Variants in ZNF711 observed in about 807,000 individuals in gnomAD.
ZNF711 encodes the protein ZFX family zinc finger ZNF711, also known as zinc finger protein 711.
In ZNF711, 3 loss-of-function variants were observed where a neutral mutation model predicts 43.5. The observed-to-expected ratio is 0.07, with a 90% CI of 0.03 to 0.18. The LOEUF is 0.18. ZNF711 is among the 10% of genes least tolerant of loss of function. The pLI, the probability that ZNF711 is intolerant of heterozygous loss-of-function variation, is 1.00. For missense variants in ZNF711, 412 were observed against 604.0 expected, an observed-to-expected ratio of 0.68 and a Z score of 3.33; for synonymous variants, 209 against 207.7, an observed-to-expected ratio of 1.01 and a Z score of -0.06.
intron 6 of ZNF711, among the ~76,000 whole-genome samples, chrX:85,264,900 T>C (rs932056851): frequency 4.5e-5 from 5 of 111,423 alleles, no homozygotes; most frequent in African/African-American, 1.6e-4. Context: ...ACTTATATAC[T>C]GCTTGGCATA....
At chrX:85,267,454 T>A in intron 8 of ZNF711, 39 bp downstream of exon 8, 1 of 1,055,106 alleles carries the variant, frequency 9.5e-7, no homozygotes, top group Non-Finnish European at 1.2e-6. Context: ...AAGTACATAA[T>A]ATGTATTTAC....
At chrX:85,245,625 A>G (rs1046464021) in intron 1 of ZNF711, among the ~76,000 whole-genome samples, 2 of 112,076 alleles carry the variant, frequency 1.8e-5, no homozygotes, top group Admixed American at 9.4e-5. Context: ...TCACTTTCTA[A>G]AATAAGGTGT....
rs1165098927 is a variant in ZNF711 at position 85,273,030 on chromosome X, G to A, written c.*1202G>A. 1.8e-5 allele frequency: 2 copies of A among 111,870 alleles called. No individual in the cohort carries two copies. Among genetic ancestry groups the A allele is most frequent in the Admixed American group, 9.6e-5 (1 of 10,462 alleles). 9.2% of individuals were successfully genotyped at this position (111,870 alleles called of 1,213,427 possible). A position where few individuals can be genotyped will look rare whatever the true frequency, so the allele number is the denominator to read the frequency against. On this transcript the variant is annotated 3_prime_UTR_variant, in exon 11 of 11. Coordinates refer to ENST00000674551, the MANE Select transcript of ZNF711 (RefSeq NM_001330574.2). ...TTCATAAATGTAATGCATATGATAT[G>A]TACTTTTAAGTTTTAGTTGCTTCAT...
In ZNF711 at chrX:85,244,112, T is replaced by TGGCGGCACGGAGGCGGCGGCGGCGGCGGC. The variant is rs1318167662; in HGVS notation, c.-477_-449dup. 6 of 147,695 alleles carry TGGCGGCACGGAGGCGGCGGCGGCGGCGGC rather than the reference T, an allele frequency of 4.1e-5. No homozygotes were observed. Among genetic ancestry groups the TGGCGGCACGGAGGCGGCGGCGGCGGCGGC allele is most frequent in the African/African-American group, 2.0e-4 (6 of 30,420 alleles). 12.2% of individuals were successfully genotyped at this position (147,695 alleles called of 1,213,427 possible). ...ATCCAGAGCGCGGTCACAGTCCGAC[T>TGGCGGCACGGAGGCGGCGGCGGCGGCGGC]GGCGGCACGGAGGCGGCGGCGGCGG... On this transcript the variant is annotated 5_prime_UTR_variant, in exon 1 of 11. Coordinates refer to ENST00000674551, the MANE Select transcript of ZNF711 (RefSeq NM_001330574.2).
At position 85,244,157 on chromosome X, in the gene ZNF711, GGC is replaced by G. The variant is rs1928774892; in HGVS notation, c.-439_-438del. The G allele has an allele frequency of 6.7e-6, 1 of 149,144 alleles. No homozygotes were observed. Among genetic ancestry groups the G allele is most frequent in the African/African-American group, 3.2e-5 (1 of 30,977 alleles). The allele number at this position is 149,144 out of a possible 1,213,427, so 12.3% of individuals were successfully genotyped here. On this transcript the variant is annotated 5_prime_UTR_variant, in exon 1 of 11. Transcript: ENST00000674551. ...CGGCGGCGGCGGCGGCAGCGGCGGC[GGC>G]AGCGGCGGCGGCAGCTGTAGCTGCA...
chrX:85,248,842 G>A (rs1929286866), intron 4 of ZNF711, among the ~76,000 whole-genome samples: 1 of 112,030 alleles, frequency 8.9e-6, no homozygotes, highest in Non-Finnish European at 1.9e-5. Context: ...TTGATAATAT[G>A]GTTGAATGTA....
chrX:85,248,252 G>T (rs964192603), intron 4 of ZNF711, among the ~76,000 whole-genome samples: 1 of 107,221 alleles, frequency 9.3e-6, no homozygotes, highest in Non-Finnish European at 1.9e-5. Context: ...GGCGGATCAC[G>T]AGGTCAAGAG....
chrX:85,252,429 T>A (rs758678115), intron 4 of ZNF711, among the ~76,000 whole-genome samples: 1 of 111,619 alleles, frequency 9.0e-6, no homozygotes, highest in East Asian at 2.8e-4. Context: ...TATGGTCTAC[T>A]TTCAAGAACC....
chrX:85,249,385 C>T (rs1438856416), intron 4 of ZNF711, among the ~76,000 whole-genome samples: 1 of 111,232 alleles, frequency 9.0e-6, no homozygotes, highest in Non-Finnish European at 1.9e-5. Flanking sequence ...ATAGTAGTTT[C>T]TCCATTTAAT....
intron 5 of ZNF711, among the ~76,000 whole-genome samples, chrX:85,261,035 T>G (rs1930600876): frequency 9.0e-6 from 1 of 111,359 alleles, no homozygotes; most frequent in Admixed American, 9.6e-5. Context: ...TTACTATTCA[T>G]TAAGTGGAAG....
intron 5 of ZNF711, among the ~76,000 whole-genome samples, chrX:85,263,552 G>T (rs1930851043): frequency 9.2e-6 from 1 of 108,827 alleles, no homozygotes; most frequent in Admixed American, 9.9e-5. Context: ...TAGTCACTTA[G>T]GTGTTCTCTG....
Position 85,271,409 on chromosome X carries a change from G to T in ZNF711, c.2005G>T (p.Val669Phe). The change falls in exon 11 of 11, where the codon GTC (valine) becomes TTC (phenylalanine). Residue 669 changes from valine to phenylalanine, a missense_variant. Val to Phe is a conservative substitution (Grantham distance 50). Transcript: ENST00000674551. Reference protein sequence around the residue: ...HTKDFPHKCEVCDKGFHRPSE... With the variant: ...HTKDFPHKCEFCDKGFHRPSE... ...TAAGGATTTTCCTCACAAATGTGAG[G>T]TCTGTGATAAAGGTTTTCATCGTCC... 2 of 1,211,045 alleles carry T rather than the reference G, an allele frequency of 1.7e-6. No individual in the cohort carries two copies. The highest frequency in any genetic ancestry group is 3.0e-5 in the East Asian group (1 of 33,765).
At chrX:85,259,121 T>C (rs977769525) in intron 5 of ZNF711, among the ~76,000 whole-genome samples, 2 of 111,535 alleles carry the variant, frequency 1.8e-5, no homozygotes, top group African/African-American at 6.5e-5. Flanking sequence ...CTTCTGGATA[T>C]GGCTTCCCAG....
chrX:85,264,483 A>G, intron 6 of ZNF711, 53 bp downstream of exon 6: 3 of 1,087,251 alleles, frequency 2.8e-6, no homozygotes, highest in Non-Finnish European at 3.7e-6. Context: ...AATTTATTAT[A>G]TTTTCTGGGG....
intron 5 of ZNF711, among the ~76,000 whole-genome samples, chrX:85,258,383 G>T (rs1930358062): frequency 9.0e-6 from 1 of 110,780 alleles, no homozygotes; most frequent in South Asian, 3.9e-4. Context: ...AGAAAGGGTT[G>T]TGGGTGGTGA....
chrX:85,258,509 C>G (rs753351428), intron 5 of ZNF711, among the ~76,000 whole-genome samples: 2 of 109,134 alleles, frequency 1.8e-5, no homozygotes, highest in South Asian at 8.0e-4. Context: ...ACCTATTCCC[C>G]AAAAAGCTAT....
chrX:85,262,575 G>A (rs979533780), intron 5 of ZNF711, among the ~76,000 whole-genome samples: 8 of 109,913 alleles, frequency 7.3e-5, no homozygotes, highest in African/African-American at 2.6e-4. Context: ...TATTAAGCCA[G>A]TAATATCAAA....
intron 4 of ZNF711, among the ~76,000 whole-genome samples, 190 bp from the exon 5 acceptor site, chrX:85,255,069 C>G (rs943531135): frequency 4.5e-5 from 5 of 111,605 alleles, no homozygotes; most frequent in Admixed American, 2.9e-4. Context: ...CGTTTTCACC[C>G]AACTCTAACC....
chrX:85,265,563 C>G (rs966754564), intron 7 of ZNF711, among the ~76,000 whole-genome samples: 21 of 110,657 alleles, frequency 1.9e-4, no homozygotes, highest in African/African-American at 6.6e-4. Context: ...TACCTACTTT[C>G]TGTGCGTTAC....
Sources: allele counts gnomAD v4.1 joint callset (sites outside exome capture counted in the v4.1 genomes callset), GRCh38; gene constraint gnomAD v4.1.1; transcripts MANE v1.5; gene names NCBI Gene and HGNC (gene_info 2026-07-23, HGNC 2026-07-21).